CACNA1A: variants seen among roughly 807,000 people sequenced by gnomAD.
CACNA1A encodes the protein voltage-dependent P/Q-type calcium channel subunit alpha-1A.
A neutral mutation model predicts 262.4 loss-of-function variants in CACNA1A; 57 were observed. That is an observed-to-expected ratio of 0.22 (90% confidence interval 0.18 to 0.27). The LOEUF (loss-of-function observed/expected upper bound fraction) is 0.27. Ranked by LOEUF, CACNA1A falls within the 10% of genes least tolerant of loss-of-function variation. CACNA1A has a pLI of 1.00. For missense variants in CACNA1A, 2,526 were observed against 3,562.8 expected (o/e 0.71, Z 7.41); for synonymous variants, 1,431 against 1,419.3 (o/e 1.01, Z -0.18).
intron 17 of CACNA1A, among the ~76,000 whole-genome samples, chr19:13,301,117 T>C (rs962739056): frequency 1.3e-5 from 2 of 149,868 alleles, no homozygotes; most frequent in African/African-American, 4.9e-5. Flanking sequence ...CTGTATACAT[T>C]TAATTTTTTT....
intron 28 of CACNA1A, 147 bp downstream of exon 28, chr19:13,257,203 G>A: frequency 1.6e-6 from 1 of 625,258 alleles, no homozygotes; most frequent in South Asian, 2.0e-5. Context: ...TCCATGAAGG[G>A]CTGCCCTGAA....
chr19:13,492,979 A>C (rs1214941621), intron 1 of CACNA1A, among the ~76,000 whole-genome samples: 1 of 152,176 alleles, frequency 6.6e-6, no homozygotes, highest in East Asian at 1.9e-4. Context: ...AGCATTCACC[A>C]TGCCAGGAGA....
intron 19 of CACNA1A, among the ~76,000 whole-genome samples, chr19:13,289,223 T>A (rs2057479018): frequency 6.8e-6 from 1 of 147,874 alleles, no homozygotes; most frequent in Non-Finnish European, 1.5e-5. Flanking sequence ...CTCACTGTAA[T>A]CGCCACCTCC....
At chr19:13,266,032 C>T (rs951948428) in intron 24 of CACNA1A, among the ~76,000 whole-genome samples, 66 of 151,812 alleles carry the variant, frequency 4.3e-4, no homozygotes, top group African/African-American at 1.4e-3. Flanking sequence ...TTAGTAGAGA[C>T]GGGGTTTCTC....
intron 6 of CACNA1A, among the ~76,000 whole-genome samples, chr19:13,340,108 A>T (rs2058651731): frequency 6.6e-6 from 1 of 152,102 alleles, no homozygotes; most frequent in African/African-American, 2.4e-5. Context: ...CATCACGAGG[A>T]GCAGGCTCAG....
intron 3 of CACNA1A, among the ~76,000 whole-genome samples, chr19:13,401,759 T>C (rs973418586): frequency 1.3e-5 from 2 of 152,180 alleles, no homozygotes; most frequent in Non-Finnish European, 2.9e-5. Context: ...ACAGCCTGGA[T>C]CCCTGAGTGA....
rs34218031 is a variant in CACNA1A, at chr19:13,227,903, CTTTTTTTT to C, written c.5529-384_5529-377del. On this transcript the variant is annotated intron_variant, in intron 36 of 46. Transcript: ENST00000360228. ...GTAGAGCCATGCTTTTGTTCATTGC[CTTTTTTTT>C]TTTTTTTTTTTTTTTTTAAAGAGAC... Among the ~76,000 whole-genome samples, 25 of 74,262 alleles carry C rather than the reference CTTTTTTTT, an allele frequency of 3.4e-4. No individual in the cohort carries two copies. In the South Asian group the frequency reaches 0.012, roughly 35 times the overall value. 48.7% of individuals were successfully genotyped at this position (74,262 alleles called of 152,430 possible). A position where few individuals can be genotyped will look rare whatever the true frequency, so the allele number is the denominator to read the frequency against.
At chr19:13,442,402 A>G (rs1361526605) in intron 3 of CACNA1A, among the ~76,000 whole-genome samples, 1 of 152,192 alleles carries the variant, frequency 6.6e-6, no homozygotes. Context: ...GTTGTTAAGC[A>G]TCTGGCTCAG....
chr19:13,276,023 C>T (rs1207126570), intron 23 of CACNA1A, 67 bp from the exon 24 acceptor site: 2 of 984,388 alleles, frequency 2.0e-6, no homozygotes, highest in East Asian at 2.5e-5. Flanking sequence ...CTGCCACCCA[C>T]TCTCTAGCCT....
At chr19:13,492,227 A>G (rs1023682216) in intron 1 of CACNA1A, among the ~76,000 whole-genome samples, 6 of 152,166 alleles carry the variant, frequency 3.9e-5, no homozygotes, top group Non-Finnish European at 8.8e-5. Flanking sequence ...AACTTGCTCA[A>G]TCCCTCAAAG....
intron 1 of CACNA1A, among the ~76,000 whole-genome samples, chr19:13,457,324 T>A (rs572351976): frequency 6.6e-6 from 1 of 152,214 alleles, no homozygotes; most frequent in African/African-American, 2.4e-5. Flanking sequence ...CATTCCTTGG[T>A]TCCTCAAAAA....
At chr19:13,434,410 T>C (rs939875097) in intron 3 of CACNA1A, among the ~76,000 whole-genome samples, 3 of 152,210 alleles carry the variant, frequency 2.0e-5, no homozygotes, top group African/African-American at 7.2e-5. Flanking sequence ...ACTTTTAATG[T>C]ACTTTGGATC....
At chr19:13,433,479 A>AAAAAAAAAAAAAAAAAAAAAAAC (rs2060556801) in intron 3 of CACNA1A, among the ~76,000 whole-genome samples, 1 of 128,002 alleles carries the variant, frequency 7.8e-6, no homozygotes, top group Admixed American at 8.4e-5. Context: ...AAAAAAAAAA[A>AAAAAAAAAAAAAAAAAAAAAAAC]AAAAGTCAGC....
At chr19:13,342,147 C>T (rs2058686106) in intron 6 of CACNA1A, among the ~76,000 whole-genome samples, 1 of 151,846 alleles carries the variant, frequency 6.6e-6, no homozygotes, top group African/African-American at 2.4e-5. Flanking sequence ...TCAACAATTC[C>T]CAGGGAAGAA....
intron 11 of CACNA1A, among the ~76,000 whole-genome samples, chr19:13,313,498 T>TAAAAAAAAAAAAAA (rs1007419624): frequency 1.5e-5 from 1 of 65,710 alleles, no homozygotes; most frequent in African/African-American, 6.7e-5. Context: ...AGACCTTGTC[T>TAAAAAAAAAAAAAA]AAAAAAAAAA....
At position 13,234,712 on chromosome 19, in the gene CACNA1A, G is replaced by A. The variant is rs11085837; in HGVS notation, c.5249+209C>T. ...GGAGGAGGAGGGCACGCCCCCTATC[G>A]GAAGAGAAGGCCGGCACGTCCCCTA... On this transcript the variant is annotated intron_variant, in intron 34 of 46. Coordinates refer to ENST00000360228, the MANE Select transcript of CACNA1A (RefSeq NM_001127222.2). 0.42 allele frequency: 229,378 copies of A among 547,646 alleles called. 49,426 individuals are homozygous for A. Among genetic ancestry groups the A allele is most frequent in the Middle Eastern group, 0.53 (1,060 of 1,998 alleles). The allele number at this position is 547,646 out of a possible 1,614,324, so 33.9% of individuals were successfully genotyped here.
intron 25 of CACNA1A, chr19:13,262,507 C>G: frequency 2.0e-6 from 1 of 511,336 alleles, no homozygotes; most frequent in Non-Finnish European, 3.5e-6. Context: ...AACCCCAAGA[C>G]ACTTCATCTA....
At chr19:13,471,728 C>T (rs1239921568) in intron 1 of CACNA1A, among the ~76,000 whole-genome samples, 2 of 151,944 alleles carry the variant, frequency 1.3e-5, no homozygotes, top group Non-Finnish European at 2.9e-5. Flanking sequence ...TAGGTAAATC[C>T]ATAGAAACAG....
chr19:13,249,309 C>T (rs914592843), intron 30 of CACNA1A, among the ~76,000 whole-genome samples: 4 of 151,916 alleles, frequency 2.6e-5, no homozygotes, highest in African/African-American at 9.7e-5. Context: ...CAAATGAAAG[C>T]CACTGTTTTG....
Sources: allele counts gnomAD v4.1 joint callset (sites outside exome capture counted in the v4.1 genomes callset), GRCh38; gene constraint gnomAD v4.1.1; transcripts MANE v1.5; gene names NCBI Gene and HGNC (gene_info 2026-07-23, HGNC 2026-07-21).